RNF14: variants seen among roughly 807,000 people sequenced by gnomAD.
The protein encoded by RNF14 is E3 ubiquitin-protein ligase RNF14.
A neutral mutation model predicts 52.6 loss-of-function variants in RNF14; 26 were observed. That is an observed-to-expected ratio of 0.49 (90% CI 0.36 to 0.69). RNF14 has a LOEUF of 0.69. Among genes scored for constraint, RNF14 ranks in the 30% least tolerant of loss-of-function variants. The pLI is 0.00. For missense variants in RNF14, 404 were observed against 560.4 expected, an observed-to-expected ratio of 0.72 and a Z score of 2.82; for synonymous variants, 194 against 202.0, an observed-to-expected ratio of 0.96 and a Z score of 0.34.
At position 141,984,724 on chromosome 5, in the gene RNF14, G is replaced by T. The variant is rs1755085015; in HGVS notation, c.1237-79G>T. On this transcript the variant is annotated intron_variant, in intron 7 of 8. Transcript: ENST00000394520. ...AAAGGGAGAGGACCAAGACAATGTTGTACTGAATCATTTTGGCATGTGCTG... is the reference window on the plus strand; with the variant it reads ...AAAGGGAGAGGACCAAGACAATGTTTTACTGAATCATTTTGGCATGTGCTG... The T allele has an allele frequency of 4.5e-6, 6 of 1,347,744 alleles. No individual in the cohort carries two copies. In the South Asian group the frequency reaches 6.1e-5, roughly 14 times the overall value. The allele number at this position is 1,347,744 out of a possible 1,614,324, so 83.5% of individuals were successfully genotyped here.
At chr5:141,956,155 A>G, upstream of RNF14, 1 of 1,614,134 alleles carries the variant, frequency 6.2e-7, no homozygotes, top group South Asian at 1.1e-5. Flanking sequence ...CACAGGCTGG[A>G]CCACCTCTGG....
chr5:141,980,146 G>A lies in RNF14; in HGVS notation c.858G>A (p.Glu286=). The A allele has an allele frequency of 1.2e-6, 2 of 1,614,192 alleles. No individual in the cohort carries two copies. Among genetic ancestry groups the A allele is most frequent in the Non-Finnish European group, 1.7e-6 (2 of 1,180,012 alleles). Residue 286 remains glutamate (E), a synonymous_variant, in exon 6 of 9, where the codon GAG becomes GAA. Transcript: ENST00000394520. The part of the protein sequence containing the change: ...PGQVKELVEA[E]LFARYDRLLL... ...AGGTCAAAGAGTTAGTGGAAGCAGAGTTATTTGCCCGTTATGACCGCCTTC... is the reference window on the plus strand; with the variant it reads ...AGGTCAAAGAGTTAGTGGAAGCAGAATTATTTGCCCGTTATGACCGCCTTC...
At position 141,988,942 on chromosome 5, in the gene RNF14, T is replaced by G. The variant is rs1192729861; in HGVS notation, c.*1152T>G. The G allele has an allele frequency of 6.6e-6, 1 of 152,364 alleles. No homozygotes were observed. The highest frequency in any genetic ancestry group is 1.5e-5 in the Non-Finnish European group (1 of 68,046). The allele number at this position is 152,364 out of a possible 1,614,324, so 9.4% of individuals were successfully genotyped here. A position where few individuals can be genotyped will look rare whatever the true frequency, so the allele number is the denominator to read the frequency against. ...GTTTTGTTGGCTTTTTGAAAAATTG[T>G]CTTTCCTTATCATTGGTGGGAGGCT... is the stretch of plus-strand genomic sequence containing the variant. On this transcript the variant is annotated 3_prime_UTR_variant, in exon 9 of 9. Coordinates refer to ENST00000394520, the MANE Select transcript of RNF14 (RefSeq NM_004290.5).
In RNF14 at chr5:141,975,056, A is replaced by G. The variant is rs902371358; in HGVS notation, c.306+101A>G. On this transcript the variant is annotated intron_variant, in intron 4 of 8. Transcript: ENST00000394520. ...AGATCTTGAATTCAGTGCATGAAAA[A>G]CAAATGGCTTTGGTTTTGTAATTTT... 4.0e-6 allele frequency: 5 copies of G among 1,265,578 alleles called. No homozygotes were observed. In the African/African-American group the frequency reaches 4.6e-5, roughly 12 times the overall value. 78.4% of individuals were successfully genotyped at this position (1,265,578 alleles called of 1,614,324 possible).
At chr5:141,967,652 G>C (rs374763029), upstream of RNF14, among the ~76,000 whole-genome samples, 18 of 152,290 alleles carry the variant, frequency 1.2e-4, no homozygotes, top group South Asian at 3.7e-3. Flanking sequence ...GTAGGCTTGG[G>C]TTAGAGTCTT....
intron 4 of RNF14, among the ~76,000 whole-genome samples, chr5:141,975,240 TGTATTATAATGGAGACTAAGAG>T (rs1452801314): frequency 1.3e-5 from 2 of 152,254 alleles, no homozygotes; most frequent in Non-Finnish European, 2.9e-5. Flanking sequence ...CTGTTTAATC[TGTATTATAATGGAGACTAAGAG>T]GTCTTCCTCA....
chr5:141,951,347 G>C, the RNF14 span: 3 of 642,896 alleles, frequency 4.7e-6, no homozygotes, highest in Admixed American at 2.6e-5. Flanking sequence ...AAACTCCCAG[G>C]GTGGGAGGAT....
chr5:141,984,494 G>A (rs1312151007), intron 7 of RNF14, among the ~76,000 whole-genome samples: 3 of 152,094 alleles, frequency 2.0e-5, no homozygotes, highest in Non-Finnish European at 2.9e-5. Context: ...AAACCCACAC[G>A]TTACATCCAA....
intron 2 of RNF14, among the ~76,000 whole-genome samples, chr5:141,971,575 CTTTCTTTCTTT>C (rs1753765078): frequency 2.7e-4 from 1 of 3,666 alleles, no homozygotes; most frequent in Non-Finnish European, 4.8e-4. Context: ...TTCTTTCTTT[CTTTCTTTCTTT>C]CTTTCTTTCT....
At chr5:141,971,492 C>T (rs1051951392) in intron 2 of RNF14, among the ~76,000 whole-genome samples, 6 of 152,168 alleles carry the variant, frequency 3.9e-5, no homozygotes, top group African/African-American at 1.4e-4. Flanking sequence ...CCTTGGCCTC[C>T]CAAAGTGCTG....
At chr5:141,956,965 C>G (rs772762276), upstream of RNF14, 2 of 1,614,072 alleles carry the variant, frequency 1.2e-6, no homozygotes, top group South Asian at 1.1e-5. Flanking sequence ...GGCATCAATA[C>G]TGAAGGTGTC....
chr5:141,971,049 G>A (rs1753700250), intron 2 of RNF14, among the ~76,000 whole-genome samples, 172 bp downstream of exon 2: 1 of 152,068 alleles, frequency 6.6e-6, no homozygotes, highest in African/African-American at 2.4e-5. Context: ...TTTTACTTAT[G>A]TACATTTTAA....
At chr5:141,987,168 G>A (rs1460218159) in intron 8 of RNF14, among the ~76,000 whole-genome samples, 1 of 152,184 alleles carries the variant, frequency 6.6e-6, no homozygotes, top group Non-Finnish European at 1.5e-5. Context: ...AAGCCTAATG[G>A]TGGTCAGTGA....
intron 1 of RNF14, among the ~76,000 whole-genome samples, chr5:141,959,394 C>T (rs547888567): frequency 2.2e-4 from 34 of 152,206 alleles, no homozygotes; most frequent in Non-Finnish European, 4.7e-4. Context: ...CTTGGGTGGG[C>T]TTTGAGGTGG....
intron 1 of RNF14, among the ~76,000 whole-genome samples, chr5:141,960,366 C>T (rs1170351279): frequency 6.6e-6 from 1 of 152,156 alleles, no homozygotes; most frequent in African/African-American, 2.4e-5. Context: ...TGAATCCTGA[C>T]GGACCTGGAG....
intron 8 of RNF14, among the ~76,000 whole-genome samples, chr5:141,986,184 T>C (rs1319571565): frequency 1.3e-5 from 2 of 152,226 alleles, no homozygotes; most frequent in Non-Finnish European, 2.9e-5. Context: ...CTTGGCACAA[T>C]GTGAATATCC....
intron 6 of RNF14, among the ~76,000 whole-genome samples, chr5:141,981,300 CTT>C (rs1250353974): frequency 1.3e-5 from 2 of 152,210 alleles, no homozygotes; most frequent in South Asian, 4.1e-4. Context: ...AAAATTTAGA[CTT>C]TTTTTCATTT....
chr5:141,985,023 G>A, intron 8 of RNF14, 90 bp downstream of exon 8: 1 of 1,122,896 alleles, frequency 8.9e-7, no homozygotes, highest in Non-Finnish European at 1.3e-6. Flanking sequence ...TAAGTACTTG[G>A]ACTTATTTAG....
At chr5:141,986,393 A>G (rs2127062323) in intron 8 of RNF14, among the ~76,000 whole-genome samples, 1 of 152,380 alleles carries the variant, frequency 6.6e-6, no homozygotes, top group Admixed American at 6.5e-5. Flanking sequence ...TGACAGCTAC[A>G]AAACATTCTA....
Sources: allele counts gnomAD v4.1 joint callset (sites outside exome capture counted in the v4.1 genomes callset), GRCh38; gene constraint gnomAD v4.1.1; transcripts MANE v1.5; gene names NCBI Gene and HGNC (gene_info 2026-07-23, HGNC 2026-07-21).